Variants in ARHGEF12 observed in about 807,000 individuals in gnomAD.
ARHGEF12 encodes the protein KMT2A/ARHGEF12 fusion protein.
ARHGEF12 carries 66 observed loss-of-function variants against 211.2 expected under a neutral mutation model. That is an observed-to-expected ratio of 0.31 (90% CI 0.26 to 0.38). The LOEUF (loss-of-function observed/expected upper bound fraction) is 0.38. ARHGEF12 is among the 10% of genes least tolerant of loss of function. The pLI is 1.00. For missense variants in ARHGEF12, 1,429 were observed against 1,869.5 expected, an observed-to-expected ratio of 0.76 and a Z score of 4.34; for synonymous variants, 592 against 638.4, an observed-to-expected ratio of 0.93 and a Z score of 1.09.
At position 120,479,983 on chromosome 11, in the gene ARHGEF12, G is replaced by A. The variant is rs775102720; in HGVS notation, c.3790G>A (p.Val1264Met). Residue 1264 changes from valine (V) to methionine (M), a missense_variant, in exon 38 of 41, where the codon GTG becomes ATG. Val to Met is a conservative substitution (Grantham distance 21). Around this residue, in one of 7 missense-constraint regions of ARHGEF12, gnomAD observed 467 missense variants for 468.4 expected, o/e 1.00. Transcript: ENST00000397843. Reference sequence around the variant, plus strand: ...AGTGGGTTTGTTGAAGCAGTTGCTGGTGCAACAGCTAGGTTTGACTGAGAA... The same window carrying A: ...AGTGGGTTTGTTGAAGCAGTTGCTGATGCAACAGCTAGGTTTGACTGAGAA... ...RNLGLLKQLL[V>M]QQLGLTEKSV... is the part of the protein sequence containing the mutation. The A allele has an allele frequency of 2.9e-5, 47 of 1,612,668 alleles. No individual in the cohort carries two copies. Among genetic ancestry groups the A allele is most frequent in the Non-Finnish European group, 4.0e-5 (47 of 1,178,996 alleles).
intron 1 of ARHGEF12, among the ~76,000 whole-genome samples, chr11:120,374,779 T>C (rs1156649434): frequency 6.6e-6 from 1 of 152,210 alleles, no homozygotes; most frequent in Non-Finnish European, 1.5e-5. Flanking sequence ...ATATGATGGT[T>C]ACAGCAAAGA....
At chr11:120,451,305 A>C (rs866691525) in intron 21 of ARHGEF12, 6 of 462,440 alleles carry the variant, frequency 1.3e-5, no homozygotes, top group African/African-American at 1.2e-4. Context: ...CAGCCTTCCG[A>C]GTAGCTGGGA....
At chr11:120,462,150 A>C (rs1442449800) in intron 27 of ARHGEF12, among the ~76,000 whole-genome samples, 1 of 152,182 alleles carries the variant, frequency 6.6e-6, no homozygotes, top group African/African-American at 2.4e-5. Context: ...TCTAGCTTTT[A>C]ATTTCAAGTG....
intron 1 of ARHGEF12, among the ~76,000 whole-genome samples, chr11:120,392,536 A>T (rs891308354): frequency 1.3e-5 from 2 of 152,166 alleles, no homozygotes; most frequent in African/African-American, 4.8e-5. Flanking sequence ...GCTGCCTGTA[A>T]CGGAAAACAC....
intron 11 of ARHGEF12, 130 bp downstream of exon 11, chr11:120,432,041 A>T: frequency 1.2e-6 from 1 of 836,970 alleles, no homozygotes; most frequent in Non-Finnish European, 1.7e-6. Context: ...TTAATGTACC[A>T]ATTTGATAAA....
In ARHGEF12 at chr11:120,481,602, G is replaced by C. The variant is rs183909426; in HGVS notation, c.4554+26G>C. The stretch of plus-strand genomic sequence containing the variant: ...GTACCTCATACTTCCACATCCATAG[G>C]ACTTGGTTGTAAGAAACATTTAGCA... On this transcript the variant is annotated intron_variant, in intron 39 of 40. Coordinates refer to ENST00000397843, the MANE Select transcript of ARHGEF12 (RefSeq NM_015313.3). 757 of 1,602,126 alleles carry C rather than the reference G, an allele frequency of 4.7e-4. 1 individual carries two copies. The African/African-American group carries it at 8.9e-3, about 19-fold the overall frequency.
rs1450658327 is a variant in ARHGEF12, at chr11:120,465,110, T to C, written c.2614-127T>C. ...AATGGAGAACCATTGATATTCCACATAGATATGCAGTTCTGTGTATTTTGT... is the reference window on the plus strand; with the variant it reads ...AATGGAGAACCATTGATATTCCACACAGATATGCAGTTCTGTGTATTTTGT... On this transcript the variant is annotated intron_variant, in intron 27 of 40. Transcript: ENST00000397843. 7.6e-6 allele frequency: 9 copies of C among 1,177,346 alleles called. 1 individual carries two copies. Among genetic ancestry groups the C allele is most frequent in the Admixed American group, 2.1e-5 (1 of 46,664 alleles). 72.9% of individuals were successfully genotyped at this position (1,177,346 alleles called of 1,614,324 possible).
At position 120,447,074 on chromosome 11, in the gene ARHGEF12, TGAA is replaced by T. The variant is rs1946068021; in HGVS notation, c.1583_1585del (p.Glu528del). The T allele has an allele frequency of 4.3e-6, 7 of 1,613,986 alleles. No individual in the cohort carries two copies. The highest frequency in any genetic ancestry group is 5.9e-6 in the Non-Finnish European group (7 of 1,179,972). On this transcript the variant is annotated inframe_deletion, in exon 18 of 41. Coordinates refer to ENST00000397843, the MANE Select transcript of ARHGEF12 (RefSeq NM_015313.3). ...GTGCAGAACAGATTGTTGCCAAAAT[TGAA>T]GAAGTATTGTAAGTAATAGAAGTAT...
chr11:120,409,713 A>C (rs1056682628), intron 4 of ARHGEF12: 2 of 335,596 alleles, frequency 6.0e-6, no homozygotes, highest in African/African-American at 4.2e-5. Flanking sequence ...TGTTTATGGT[A>C]GGAAGGTGAT....
chr11:120,477,228 C>T lies in ARHGEF12; in HGVS notation c.3375C>T (p.Asp1125=), dbSNP rs1947063548. The T allele has an allele frequency of 1.2e-6, 2 of 1,613,766 alleles. No homozygotes were observed. Among genetic ancestry groups the T allele is most frequent in the Middle Eastern group, 1.6e-4 (1 of 6,084 alleles). Residue 1125 remains aspartate, a synonymous_variant, in exon 35 of 41, where the codon GAC becomes GAT. Transcript: ENST00000397843. The part of the protein sequence containing the change: ...QTVSEKTVWQ[D]LICRMAASVK... ...TTCCAACTTTCTGAAGCTGGCAGGACCTAATCTGTCGGATGGCTGCATCAG... is the reference window on the plus strand; with the variant it reads ...TTCCAACTTTCTGAAGCTGGCAGGATCTAATCTGTCGGATGGCTGCATCAG...
At position 120,440,159 on chromosome 11, in the gene ARHGEF12, A is replaced by G; in HGVS notation, c.1030A>G (p.Thr344Ala). 3 of 1,613,674 alleles carry G rather than the reference A, an allele frequency of 1.9e-6. No individual in the cohort carries two copies. In the South Asian group the frequency reaches 3.3e-5, roughly 18 times the overall value. ...DTQSLVGSPS[T>A]RIAPHIIGAE... is the part of the protein sequence containing the mutation. ...TCAATCACTTGTCGGAAGTCCCTCA[A>G]CCCGTATAGCACCTCATATTATTGG... The change falls in exon 13 of 41, where the codon ACC (threonine) becomes GCC (alanine). Residue 344 changes from threonine to alanine, a missense_variant. Coordinates refer to ENST00000397843, the MANE Select transcript of ARHGEF12 (RefSeq NM_015313.3).
At chr11:120,466,519 T>G (rs979444388) in intron 28 of ARHGEF12, among the ~76,000 whole-genome samples, 5 of 152,234 alleles carry the variant, frequency 3.3e-5, no homozygotes, top group African/African-American at 4.8e-5. Flanking sequence ...AACCTAATCA[T>G]AGGTGTGATA....
rs1423233770 is a variant in ARHGEF12 at position 120,451,598 on chromosome 11, G to T, written c.1930G>T (p.Ala644Ser). 10 of 1,614,056 alleles carry T rather than the reference G, an allele frequency of 6.2e-6. No homozygotes were observed. Among genetic ancestry groups the T allele is most frequent in the East Asian group, 2.2e-5 (1 of 44,898 alleles). ...TGTGAGTCCTGAACCTCAGGACTCT[G>T]CCAAGTTGCGCCAGAGTGGGTTAGC... ...SSVSPEPQDSAKLRQSGLANE... is the reference protein window; with the variant it reads ...SSVSPEPQDSSKLRQSGLANE... Residue 644 changes from alanine (A) to serine (S), a missense_variant, in exon 22 of 41, where the codon GCC becomes TCC. Physicochemically the swap from Ala to Ser is moderately conservative, Grantham distance 99. Around this residue, in one of 7 missense-constraint regions of ARHGEF12, gnomAD observed 373 missense variants for 467.5 expected, o/e 0.80. Coordinates refer to ENST00000397843, the MANE Select transcript of ARHGEF12 (RefSeq NM_015313.3).
At position 120,481,492 on chromosome 11, in the gene ARHGEF12, C is replaced by G; in HGVS notation, c.4470C>G (p.Ile1490Met). ...CTATGGAGTATTCCTGTTTTGAGAT[C>G]CAGAGTCCCTCCTCTTGTGCAGATT... ...WGAMEYSCFE[I>M]QSPSSCADSQ... Residue 1490 changes from isoleucine to methionine, a missense_variant, in exon 39 of 41, where the codon ATC becomes ATG. Physicochemically the swap from Ile to Met is conservative, Grantham distance 10 (BLOSUM62 1). This residue lies in a region of ARHGEF12 where 467 missense variants were observed against 468.4 expected (regional missense o/e 1.00). Transcript: ENST00000397843. The G allele has an allele frequency of 6.2e-7, 1 of 1,614,200 alleles. No individual in the cohort carries two copies. The highest frequency in any genetic ancestry group is 8.5e-7 in the Non-Finnish European group (1 of 1,180,042).
intron 30 of ARHGEF12, 130 bp downstream of exon 30, chr11:120,469,518 C>A: frequency 2.6e-6 from 2 of 769,768 alleles, no homozygotes; most frequent in African/African-American, 1.8e-5. Flanking sequence ...GTTTACTGTT[C>A]GCATAGTAGG....
At chr11:120,379,971 A>G (rs1943834160) in intron 1 of ARHGEF12, among the ~76,000 whole-genome samples, 1 of 152,178 alleles carries the variant, frequency 6.6e-6, no homozygotes, top group South Asian at 2.1e-4. Context: ...TGGCCTCAGA[A>G]AATTTTTTGG....
chr11:120,399,321 CAAAAAAAAAAAAAAAAAAA>C (rs71050743), intron 1 of ARHGEF12, among the ~76,000 whole-genome samples: 2 of 36,500 alleles, frequency 5.5e-5, no homozygotes, highest in African/African-American at 9.8e-5. Context: ...ACATTGTCTC[CAAAAAAAAAAAAAAAAAAA>C]AAAAAAAAAA....
intron 6 of ARHGEF12, among the ~76,000 whole-genome samples, chr11:120,423,993 T>C (rs1945272187): frequency 6.6e-6 from 1 of 152,220 alleles, no homozygotes; most frequent in South Asian, 2.1e-4. Context: ...TATTTTTTAT[T>C]ATTAATTTTG....
chr11:120,458,870 T>TA (rs1946440446), intron 25 of ARHGEF12: 1 of 177,802 alleles, frequency 5.6e-6, no homozygotes, highest in Non-Finnish European at 1.2e-5. Flanking sequence ...TGTTGGGGCT[T>TA]ACAGTTTTCT....
Sources: allele counts gnomAD v4.1 joint callset (sites outside exome capture counted in the v4.1 genomes callset), GRCh38; gene constraint gnomAD v4.1.1; regional missense constraint gnomAD v4.1.1; transcripts MANE v1.5; gene names NCBI Gene and HGNC (gene_info 2026-07-23, HGNC 2026-07-21).